AMZ2: variants seen among roughly 807,000 people sequenced by gnomAD.
AMZ2 encodes archaemetzincin-2.
In AMZ2, 26 loss-of-function variants were observed where a neutral mutation model predicts 36.7. The observed-to-expected ratio is 0.71, with a 90% CI of 0.52 to 0.98. The LOEUF (loss-of-function observed/expected upper bound fraction) is 0.98, where lower values mean the gene tolerates loss of function less well. Among genes scored for constraint, AMZ2 ranks in the 50% least tolerant of loss-of-function variants. AMZ2 has a pLI of 0.00. For missense variants in AMZ2, 394 were observed against 430.5 expected (o/e 0.92, Z 0.75); for synonymous variants, 144 against 149.1 (o/e 0.97, Z 0.25).
chr17:68,209,612 A>ATG (rs1268350412), intron 1 of AMZ2, among the ~76,000 whole-genome samples: 4 of 87,262 alleles, frequency 4.6e-5, no homozygotes, highest in Non-Finnish European at 2.2e-5. Flanking sequence ...GTGTATATGT[A>ATG]TATATATATA....
chr17:68,207,270 GA>G (rs1327743776), intron 1 of AMZ2: 4 of 144,920 alleles, frequency 2.8e-5, no homozygotes, highest in East Asian at 2.0e-4. Context: ...TTTTCACACA[GA>G]AAAGTTTCTC....
chr17:68,251,625 C>A (rs1360091237), intron 4 of AMZ2, among the ~76,000 whole-genome samples: 2 of 152,094 alleles, frequency 1.3e-5, no homozygotes, highest in African/African-American at 4.8e-5. Context: ...CATGATCGAG[C>A]CACTGCACTC....
intron 1 of AMZ2, among the ~76,000 whole-genome samples, chr17:68,223,990 C>T (rs1431262624): frequency 7.3e-5 from 11 of 151,672 alleles, no homozygotes; most frequent in African/African-American, 2.4e-4. Context: ...CCCGGGTTCA[C>T]GCCATTCTCC....
At chr17:68,243,450 A>G (rs1555734519), upstream of AMZ2, among the ~76,000 whole-genome samples, 1 of 152,214 alleles carries the variant, frequency 6.6e-6, no homozygotes, top group Non-Finnish European at 1.5e-5. Flanking sequence ...ATGATTTTAA[A>G]TAGATGCTTA....
At chr17:68,217,032 CAA>C (rs11284875) in intron 1 of AMZ2, among the ~76,000 whole-genome samples, 4,987 of 95,622 alleles carry the variant, frequency 0.052, 227 homozygotes, top group African/African-American at 0.15. Flanking sequence ...GACTCCGTCT[CAA>C]AAAAAAAAAA....
intron 1 of AMZ2, among the ~76,000 whole-genome samples, chr17:68,229,427 T>C (rs1349068144): frequency 6.6e-6 from 1 of 152,200 alleles, no homozygotes; most frequent in East Asian, 1.9e-4. Context: ...GAACTGGGCA[T>C]GTCCTTGCTT....
chr17:68,219,936 C>T (rs1198454192), intron 1 of AMZ2, among the ~76,000 whole-genome samples: 1 of 152,168 alleles, frequency 6.6e-6, no homozygotes, highest in African/African-American at 2.4e-5. Context: ...CTGTTAAGCT[C>T]TTTGAGTGCC....
Position 68,248,515 on chromosome 17 carries a change from G to T in AMZ2, c.-191G>T, listed in dbSNP as rs2074189766. On this transcript the variant is annotated 5_prime_UTR_variant, in exon 1 of 7. Transcript: ENST00000359904. ...GCCCACTGCAGTGACCGAATTCTGC[G>T]CCCCCTGCCCATCTTCTCCCGCAGC... 2.0e-6 allele frequency: 2 copies of T among 985,900 alleles called. No individual in the cohort carries two copies. Among genetic ancestry groups the T allele is most frequent in the Non-Finnish European group, 2.4e-6 (2 of 830,036 alleles). The allele number at this position is 985,900 out of a possible 1,614,324, so 61.1% of individuals were successfully genotyped here.
chr17:68,237,977 TG>T (rs1490534276), intron 1 of AMZ2, among the ~76,000 whole-genome samples: 1 of 152,208 alleles, frequency 6.6e-6, no homozygotes, highest in Non-Finnish European at 1.5e-5. Flanking sequence ...TGGTTGGTGC[TG>T]AGACACTTCC....
upstream of AMZ2, chr17:68,246,933 G>A (rs1297845451): frequency 2.0e-5 from 3 of 152,298 alleles, no homozygotes; most frequent in Non-Finnish European, 4.4e-5. Flanking sequence ...CGGGCGCCGT[G>A]GCTCACGCCT....
At chr17:68,209,633 T>TATATATATA (rs1555725395) in intron 1 of AMZ2, among the ~76,000 whole-genome samples, 13 of 78,822 alleles carry the variant, frequency 1.6e-4, no homozygotes, top group African/African-American at 6.4e-4. Context: ...TATATATATA[T>TATATATATA]TTTTTTTTTT....
chr17:68,234,481 C>T (rs2073740524), intron 1 of AMZ2, among the ~76,000 whole-genome samples: 1 of 150,938 alleles, frequency 6.6e-6, no homozygotes, highest in South Asian at 2.1e-4. Context: ...ATCTTATTGG[C>T]TGGGTGCAGT....
At chr17:68,245,900 G>C (rs1599383453), upstream of AMZ2, among the ~76,000 whole-genome samples, 1 of 152,110 alleles carries the variant, frequency 6.6e-6, no homozygotes, top group African/African-American at 2.4e-5. Context: ...TGAGGCTATA[G>C]AAGAGGTGAC....
At chr17:68,232,922 G>T (rs2073699810) in intron 1 of AMZ2, among the ~76,000 whole-genome samples, 1 of 152,236 alleles carries the variant, frequency 6.6e-6, no homozygotes, top group Non-Finnish European at 1.5e-5. Flanking sequence ...GGATCTTATT[G>T]TGGAGATGCA....
In AMZ2 at chr17:68,254,398, T is replaced by C. The variant is rs1315648299; in HGVS notation, c.587-6T>C. 6.2e-7 allele frequency: 1 copy of C among 1,603,714 alleles called. No homozygotes were observed. Among genetic ancestry groups the C allele is most frequent in the Non-Finnish European group, 8.5e-7 (1 of 1,177,310 alleles). On this transcript the variant is annotated splice_polypyrimidine_tract_variant and splice_region_variant and intron_variant, in intron 4 of 6. Coordinates refer to ENST00000359904, the MANE Select transcript of AMZ2 (RefSeq NM_016627.5). ...CATTCTGTCACTGTTTGTCCTTTTTTTGTAGGTGTGGGGATATTCAGCTTT... is the reference window on the plus strand; with the variant it reads ...CATTCTGTCACTGTTTGTCCTTTTTCTGTAGGTGTGGGGATATTCAGCTTT...
upstream of AMZ2, chr17:68,247,565 G>C (rs2074082812): frequency 4.8e-5 from 45 of 927,984 alleles, no homozygotes; most frequent in Non-Finnish European, 5.8e-5. Flanking sequence ...AGCCCCCGCG[G>C]CCCCCAACAA....
chr17:68,207,325 C>A (rs1184290770), intron 1 of AMZ2: 2 of 137,726 alleles, frequency 1.5e-5, no homozygotes, highest in East Asian at 4.4e-4. Context: ...CCCCCCCCCA[C>A]AAAGGCTGCT....
At chr17:68,209,632 A>ATATATATTTTT in intron 1 of AMZ2, among the ~76,000 whole-genome samples, 1 of 90,700 alleles carries the variant, frequency 1.1e-5, no homozygotes, top group Admixed American at 1.2e-4. Flanking sequence ...ATATATATAT[A>ATATATATTTTT]TTTTTTTTTT....
intron 1 of AMZ2, among the ~76,000 whole-genome samples, chr17:68,238,536 GTA>G (rs201907509): frequency 2.1e-5 from 2 of 93,822 alleles, no homozygotes; most frequent in African/African-American, 4.5e-5. Context: ...TATGCCATAT[GTA>G]TATATATATA....
Sources: allele counts gnomAD v4.1 joint callset (sites outside exome capture counted in the v4.1 genomes callset), GRCh38; gene constraint gnomAD v4.1.1; transcripts MANE v1.5; gene names NCBI Gene and HGNC (gene_info 2026-07-23, HGNC 2026-07-21).